The following PCDHGA3 variants were observed in gnomAD, a reference collection of about 807,000 sequenced individuals.
PCDHGA3 encodes the protein protocadherin gamma-A3.
PCDHGA3 carries 40 observed loss-of-function variants against 58.5 expected under a neutral mutation model. That is an observed-to-expected ratio of 0.68 (90% CI 0.53 to 0.89). PCDHGA3 has a LOEUF of 0.89. Ranked by LOEUF, PCDHGA3 falls within the 40% of genes least tolerant of loss-of-function variation. The pLI, the probability that PCDHGA3 is intolerant of heterozygous loss-of-function variation, is 0.00. For synonymous variants in PCDHGA3, 530 were observed against 525.7 expected (o/e 1.01, Z -0.11); for missense variants, 1,223 against 1,195.9 (o/e 1.02, Z -0.33).
chr5:141,355,714 C>A, intron 1 of PCDHGA3: 1 of 1,614,048 alleles, frequency 6.2e-7, no homozygotes, highest in East Asian at 2.2e-5. Flanking sequence ...GGGTTACCAG[C>A]TCAACTCAAA....
At chr5:141,408,816 A>T in intron 1 of PCDHGA3, 1 of 1,613,562 alleles carries the variant, frequency 6.2e-7, no homozygotes, top group East Asian at 2.2e-5. Flanking sequence ...CGGGAAGAAC[A>T]GAGATCTCAT....
chr5:141,356,972 T>G, intron 1 of PCDHGA3: 1 of 1,614,222 alleles, frequency 6.2e-7, no homozygotes, highest in Non-Finnish European at 8.5e-7. Flanking sequence ...GTGACCAAAG[T>G]GGTGGCAGTG....
rs1423427104 is a variant in PCDHGA3, at chr5:141,417,737, C to T, written c.2424+71280C>T. 5 of 1,407,068 alleles carry T rather than the reference C, an allele frequency of 3.6e-6. No homozygotes were observed. In the African/African-American group the frequency reaches 7.2e-5, roughly 20 times the overall value. 87.2% of individuals were successfully genotyped at this position (1,407,068 alleles called of 1,614,324 possible). ...CCGGCTGCGCAGACCTTGCCCAGCA[C>T]ACCAGATTGCCAGCTCCGAGACCCG... is the stretch of plus-strand genomic sequence containing the variant. On this transcript the variant is annotated intron_variant, in intron 1 of 3. Transcript: ENST00000253812.
chr5:141,432,416 C>T lies in PCDHGA3; in HGVS notation c.2425-62391C>T. 4 of 1,614,258 alleles carry T rather than the reference C, an allele frequency of 2.5e-6. No individual in the cohort carries two copies. Among genetic ancestry groups the T allele is most frequent in the Non-Finnish European group, 3.4e-6 (4 of 1,180,048 alleles). ...CAACGTGTCGTTGAGCCTGTTCGTG[C>T]TGGACCAGAACGACAATGCGCCCGA... On this transcript the variant is annotated intron_variant, in intron 1 of 3. Coordinates refer to ENST00000253812, the MANE Select transcript of PCDHGA3 (RefSeq NM_018916.4). The surrounding 1 kb of genome is among the most constrained non-coding windows in gnomAD (Gnocchi z 6.0).
Position 141,477,964 on chromosome 5 carries a change from G to T in PCDHGA3, c.2425-16843G>T, listed in dbSNP as rs2099426491. On this transcript the variant is annotated intron_variant, in intron 1 of 3. Coordinates refer to ENST00000253812, the MANE Select transcript of PCDHGA3 (RefSeq NM_018916.4). The surrounding 1 kb of genome is among the most constrained non-coding windows in gnomAD (Gnocchi z 4.9). Reference sequence around the variant, plus strand: ...ACAGTCTCTTGGGATCCCCTAACCAGAGCCTTTTTGCCATAGGGCTGCACA... The same window carrying T: ...ACAGTCTCTTGGGATCCCCTAACCATAGCCTTTTTGCCATAGGGCTGCACA... 6.2e-7 allele frequency: 1 copy of T among 1,613,978 alleles called. No homozygotes were observed. The highest frequency in any genetic ancestry group is 1.1e-5 in the South Asian group (1 of 91,080).
intron 1 of PCDHGA3, chr5:141,370,799 A>G: frequency 6.2e-7 from 1 of 1,614,032 alleles, no homozygotes; most frequent in Non-Finnish European, 8.5e-7. Context: ...CCTTTAGCCA[A>G]AATATCACTG....
chr5:141,421,404 G>A, intron 1 of PCDHGA3: 17 of 1,614,080 alleles, frequency 1.1e-5, no homozygotes, highest in Non-Finnish European at 1.4e-5. Flanking sequence ...AGCCCCGGGA[G>A]CTGGCGAAGC....
At chr5:141,383,385 G>T (rs1779091849) in intron 1 of PCDHGA3, 4 of 1,613,960 alleles carry the variant, frequency 2.5e-6, no homozygotes, top group Non-Finnish European at 3.4e-6. Context: ...ATCCAGATGT[G>T]GGCACGAACT....
chr5:141,377,207 A>C (rs1170353646), intron 1 of PCDHGA3: 1 of 152,122 alleles, frequency 6.6e-6, no homozygotes, highest in Non-Finnish European at 1.5e-5. Context: ...GATTGAGTAC[A>C]TCTCGTTTCT....
At position 141,491,514 on chromosome 5, in the gene PCDHGA3, G is replaced by A. The variant is rs753335815; in HGVS notation, c.2425-3293G>A. ...AGGTGAGCTCGGACGGCACGCTCAAGTACATGGAGGTGACGCTGCGGCCCA... is the reference window on the plus strand; with the variant it reads ...AGGTGAGCTCGGACGGCACGCTCAAATACATGGAGGTGACGCTGCGGCCCA... On this transcript the variant is annotated intron_variant, in intron 1 of 3. Coordinates refer to ENST00000253812, the MANE Select transcript of PCDHGA3 (RefSeq NM_018916.4). The surrounding 1 kb of genome is among the most constrained non-coding windows in gnomAD (Gnocchi z 6.9). 2 of 1,613,964 alleles carry A rather than the reference G, an allele frequency of 1.2e-6. No individual in the cohort carries two copies. Among genetic ancestry groups the A allele is most frequent in the East Asian group, 2.2e-5 (1 of 44,892 alleles).
At chr5:141,398,121 A>C (rs554777335) in intron 1 of PCDHGA3, 28 of 1,590,306 alleles carry the variant, frequency 1.8e-5, no homozygotes, top group Admixed American at 3.6e-5. Context: ...TGAGGAGAGC[A>C]AGAGGGATGG....
rs765376157 is a variant in PCDHGA3 at position 141,486,033 on chromosome 5, A to G, written c.2425-8774A>G. 4.3e-6 allele frequency: 7 copies of G among 1,614,148 alleles called. No individual in the cohort carries two copies. The highest frequency in any genetic ancestry group is 5.9e-6 in the Non-Finnish European group (7 of 1,180,014). ...TTTTATTTCAGTGGTCATACCCCTG[A>G]TCGTGTAAGAAACCTCTTTAGCCTG... On this transcript the variant is annotated intron_variant, in intron 1 of 3. Transcript: ENST00000253812. This position sits in a 1 kb window ranked among gnomAD's most constrained non-coding sequence, Gnocchi z 5.0.
intron 3 of PCDHGA3, among the ~76,000 whole-genome samples, chr5:141,506,198 C>T (rs985517638): frequency 3.3e-5 from 5 of 152,156 alleles, no homozygotes; most frequent in Admixed American, 6.5e-5. Context: ...CGCCTGTAAT[C>T]CCAGCACTTT....
chr5:141,455,580 T>G (rs572453788), intron 1 of PCDHGA3, among the ~76,000 whole-genome samples: 26 of 152,142 alleles, frequency 1.7e-4, no homozygotes, highest in Middle Eastern at 3.2e-3. Context: ...ACCCCAGCCT[T>G]TTAATATGCA....
chr5:141,404,909 C>CCT, intron 1 of PCDHGA3: 1 of 1,613,916 alleles, frequency 6.2e-7, no homozygotes, highest in Non-Finnish European at 8.5e-7. Context: ...TGGCCAGCCC[C>CCT]CTCTCTCGGC....
intron 1 of PCDHGA3, among the ~76,000 whole-genome samples, chr5:141,424,889 G>A (rs1173725674): frequency 6.6e-6 from 1 of 152,090 alleles, no homozygotes; most frequent in Non-Finnish European, 1.5e-5. Flanking sequence ...ACTTATCTAG[G>A]GTTTTTGATC....
intron 1 of PCDHGA3, chr5:141,361,514 A>T (rs765118611): frequency 6.8e-6 from 11 of 1,614,028 alleles, no homozygotes; most frequent in Non-Finnish European, 9.3e-6. Context: ...TACATGGTTC[A>T]CGTGGCAGAG....
intron 1 of PCDHGA3, chr5:141,392,605 CA>C (rs2092562177): frequency 1.9e-6 from 1 of 514,610 alleles, no homozygotes; most frequent in Admixed American, 3.7e-5. Context: ...TACTGGAAGA[CA>C]AATGCAACCG....
intron 1 of PCDHGA3, chr5:141,351,146 GA>G: frequency 6.2e-7 from 1 of 1,613,958 alleles, no homozygotes; most frequent in Non-Finnish European, 8.5e-7. Flanking sequence ...AAATACTGGC[GA>G]CATCACAACC....
Sources: allele counts gnomAD v4.1 joint callset (sites outside exome capture counted in the v4.1 genomes callset), GRCh38; gene constraint gnomAD v4.1.1; non-coding constraint Gnocchi (gnomAD v3.1); transcripts MANE v1.5; gene names NCBI Gene and HGNC (gene_info 2026-07-23, HGNC 2026-07-21).